ME3: variants seen among roughly 807,000 people sequenced by gnomAD.
ME3 encodes malic enzyme 3, also known as NADP-dependent malic enzyme, mitochondrial.
Under a neutral mutation model 68.9 loss-of-function variants are expected in ME3, and 48 were observed. The observed-to-expected ratio is 0.70, with a 90% CI of 0.55 to 0.89. The LOEUF is 0.89. ME3 is among the 40% of genes least tolerant of loss of function. The probability of loss-of-function intolerance (pLI) is 0.00; values close to 1 mark genes in which losing one functional copy is unlikely to be tolerated. For missense variants in ME3, 675 were observed against 797.4 expected, an observed-to-expected ratio of 0.85 and a Z score of 1.85; for synonymous variants, 320 against 318.8, an observed-to-expected ratio of 1.00 and a Z score of -0.04.
At chr11:86,518,375 A>AATACTTGAATACTTGAAT (rs1328951638) in intron 4 of ME3, among the ~76,000 whole-genome samples, 5 of 149,906 alleles carry the variant, frequency 3.3e-5, no homozygotes, top group Non-Finnish European at 5.9e-5. Context: ...GACTTGAATA[A>AATACTTGAATACTTGAAT]ACATACTTAA....
At chr11:86,617,683 A>C (rs1033692954) in intron 2 of ME3, among the ~76,000 whole-genome samples, 13 of 152,236 alleles carry the variant, frequency 8.5e-5, no homozygotes, top group Non-Finnish European at 1.5e-4. Flanking sequence ...CTCTACCCAA[A>C]GGCAAATTAT....
At chr11:86,650,704 G>T (rs991055786) in intron 2 of ME3, among the ~76,000 whole-genome samples, 1 of 152,210 alleles carries the variant, frequency 6.6e-6, no homozygotes, top group African/African-American at 2.4e-5. Context: ...ATTTCCAACT[G>T]AGGTACTGGG....
At chr11:86,630,256 A>G (rs1943928524) in intron 2 of ME3, among the ~76,000 whole-genome samples, 1 of 152,212 alleles carries the variant, frequency 6.6e-6, no homozygotes, top group Non-Finnish European at 1.5e-5. Context: ...AGCAAGCAGC[A>G]GAAGCATGGA....
chr11:86,577,568 G>A (rs1279162850), intron 2 of ME3, among the ~76,000 whole-genome samples: 1 of 152,102 alleles, frequency 6.6e-6, no homozygotes, highest in East Asian at 1.9e-4. Flanking sequence ...GTATTAAGTT[G>A]GTGCCTCCTG....
chr11:86,628,944 G>A (rs1020705762), intron 2 of ME3, among the ~76,000 whole-genome samples: 3 of 152,284 alleles, frequency 2.0e-5, no homozygotes, highest in South Asian at 4.1e-4. Context: ...AGAAAGTGCT[G>A]TGCTTGTCAT....
At chr11:86,601,649 A>G (rs1199433380) in intron 2 of ME3, among the ~76,000 whole-genome samples, 1 of 151,962 alleles carries the variant, frequency 6.6e-6, no homozygotes. Context: ...AGACACAACC[A>G]AAAAAGAGAA....
intron 8 of ME3, among the ~76,000 whole-genome samples, chr11:86,451,093 C>T (rs1401116567): frequency 2.6e-5 from 4 of 152,208 alleles, no homozygotes; most frequent in Admixed American, 2.6e-4. Context: ...AAGGTGGCAG[C>T]TTCACAGCCC....
At chr11:86,509,756 CAAA>C (rs5793200) in intron 4 of ME3, among the ~76,000 whole-genome samples, 1,492 of 102,462 alleles carry the variant, frequency 0.015, 22 homozygotes, top group African/African-American at 0.049. Context: ...GGGGGATTGG[CAAA>C]AAAAAAAAAA....
At chr11:86,669,344 A>G (rs1946772603) in intron 2 of ME3, among the ~76,000 whole-genome samples, 1 of 152,232 alleles carries the variant, frequency 6.6e-6, no homozygotes, top group African/African-American at 2.4e-5. Context: ...CCTTAGATTT[A>G]TGGATAACAC....
At chr11:86,467,711 A>C (rs527390414) in intron 7 of ME3, among the ~76,000 whole-genome samples, 4 of 150,108 alleles carry the variant, frequency 2.7e-5, no homozygotes, top group African/African-American at 7.4e-5. Flanking sequence ...ACACACACAC[A>C]CCCCTTTAAG....
intron 2 of ME3, among the ~76,000 whole-genome samples, chr11:86,659,878 CGATA>C (rs1029284453): frequency 2.0e-5 from 3 of 151,608 alleles, no homozygotes; most frequent in African/African-American, 7.3e-5. Context: ...ACCAATCAAT[CGATA>C]GATAGATCCA....
intron 2 of ME3, among the ~76,000 whole-genome samples, chr11:86,607,711 A>G (rs1321403033): frequency 5.2e-5 from 1 of 19,064 alleles, no homozygotes; most frequent in East Asian, 2.2e-3. Flanking sequence ...TTTTTAAAAG[A>G]AATATATATA....
chr11:86,658,717 C>G (rs1190090498), intron 2 of ME3, among the ~76,000 whole-genome samples: 1 of 152,076 alleles, frequency 6.6e-6, no homozygotes, highest in Non-Finnish European at 1.5e-5. Flanking sequence ...CTGGCACCAC[C>G]TGGCCAGCTG....
At chr11:86,532,871 C>A (rs957330982) in intron 4 of ME3, among the ~76,000 whole-genome samples, 2 of 152,172 alleles carry the variant, frequency 1.3e-5, no homozygotes, top group Non-Finnish European at 2.9e-5. Flanking sequence ...ACCAGCCTGG[C>A]CAACATGGCA....
intron 2 of ME3, among the ~76,000 whole-genome samples, chr11:86,571,369 G>A (rs1316439655): frequency 6.6e-6 from 1 of 152,210 alleles, no homozygotes; most frequent in African/African-American, 2.4e-5. Context: ...GTTCTCTGTA[G>A]GCTCTAGGTG....
intron 4 of ME3, among the ~76,000 whole-genome samples, chr11:86,518,785 G>A (rs1249775374): frequency 6.6e-6 from 1 of 152,144 alleles, no homozygotes; most frequent in East Asian, 1.9e-4. Flanking sequence ...TCAAGATGAA[G>A]TTAGTGTGGG....
chr11:86,493,871 A>C (rs964616229), intron 6 of ME3, among the ~76,000 whole-genome samples: 1 of 152,184 alleles, frequency 6.6e-6, no homozygotes, highest in African/African-American at 2.4e-5. Context: ...AGAGACATAC[A>C]TACACACAGA....
chr11:86,498,476 G>A (rs1243654385), intron 5 of ME3, among the ~76,000 whole-genome samples: 1 of 152,218 alleles, frequency 6.6e-6, no homozygotes, highest in East Asian at 1.9e-4. Flanking sequence ...GGGGTGGTGG[G>A]TAGGGAAGGG....
chr11:86,527,867 G>T (rs181376553), intron 4 of ME3, among the ~76,000 whole-genome samples: 19 of 152,294 alleles, frequency 1.2e-4, no homozygotes, highest in African/African-American at 4.3e-4. Context: ...ACTAAACATG[G>T]AAAGGAACAA....
Sources: allele counts gnomAD v4.1 joint callset (sites outside exome capture counted in the v4.1 genomes callset), GRCh38; gene constraint gnomAD v4.1.1; transcripts MANE v1.5; gene names NCBI Gene and HGNC (gene_info 2026-07-23, HGNC 2026-07-21).